Variants in ECD observed in about 807,000 individuals in gnomAD.
ECD encodes the protein ecdysoneless cell cycle regulator, also known as protein ecdysoneless homolog.
A neutral mutation model predicts 77.2 loss-of-function variants in ECD; 59 were observed. That is an observed-to-expected ratio of 0.76 (90% CI 0.62 to 0.95). The LOEUF (loss-of-function observed/expected upper bound fraction) is 0.95. ECD is among the 40% of genes least tolerant of loss of function. The probability of loss-of-function intolerance (pLI) is 0.00; values close to 1 mark genes in which losing one functional copy is unlikely to be tolerated. For synonymous variants in ECD, 233 were observed against 267.4 expected (o/e 0.87, Z 1.26); for missense variants, 704 against 763.4 (o/e 0.92, Z 0.92).
intron 2 of ECD, among the ~76,000 whole-genome samples, chr10:73,162,286 A>T (rs1843390171): frequency 6.6e-6 from 1 of 152,238 alleles, no homozygotes; most frequent in African/African-American, 2.4e-5. Context: ...AAATAGATGT[A>T]GAGAAGGGGT....
In ECD at chr10:73,159,642, A is replaced by ATTTTTTTTTTT. The variant is rs1169258127; in HGVS notation, c.323+781_323+791dup. ...AGTTGAACTCTTTGACAGTACTTTA[A>ATTTTTTTTTTT]TTTTTTTTTTTTTTTTTTTTGAGAC... is the stretch of plus-strand genomic sequence containing the variant. On this transcript the variant is annotated intron_variant, in intron 3 of 13. Coordinates refer to ENST00000372979, the MANE Select transcript of ECD (RefSeq NM_007265.3). Among the ~76,000 whole-genome samples, 25 of 123,616 alleles carry ATTTTTTTTTTT rather than the reference A, an allele frequency of 2.0e-4. 2 individuals carry two copies. Among genetic ancestry groups the ATTTTTTTTTTT allele is most frequent in the African/African-American group, 7.5e-4 (23 of 30,600 alleles). The allele number at this position is 123,616 out of a possible 152,430, so 81.1% of individuals were successfully genotyped here.
At chr10:73,135,757 AAAT>A (rs1842968425) in intron 13 of ECD, among the ~76,000 whole-genome samples, 2 of 151,444 alleles carry the variant, frequency 1.3e-5, no homozygotes, top group Admixed American at 6.6e-5. Flanking sequence ...AAATAAAACA[AAAT>A]AATAATAAAA....
In ECD at chr10:73,152,345, A is replaced by T. The variant is rs760533724; in HGVS notation, c.860T>A (p.Leu287Gln). Residue 287 changes from leucine to glutamine, a missense_variant, in exon 7 of 14, where the codon CTG (leucine) becomes CAG (glutamine). Leu to Gln is a moderately radical substitution (Grantham distance 113). Transcript: ENST00000372979. ...FVPDRRSGYR[L>Q]PPPSDPQYRA... ...GTACTGGGGATCAGATGGAGGAGGC[A>T]GCCTGTATCCACTCCGCCGGTCTGG... The T allele has an allele frequency of 4.3e-6, 7 of 1,613,884 alleles. No individual in the cohort carries two copies. Among genetic ancestry groups the T allele is most frequent in the Non-Finnish European group, 5.9e-6 (7 of 1,179,908 alleles).
chr10:73,148,188 C>T (rs1014994892), intron 8 of ECD, 88 bp downstream of exon 8: 1 of 1,470,884 alleles, frequency 6.8e-7, no homozygotes, highest in Admixed American at 2.2e-5. Context: ...TTATGTCATA[C>T]ATTTAAATAT....
At chr10:73,149,654 T>C (rs985050639) in intron 7 of ECD, among the ~76,000 whole-genome samples, 5 of 152,218 alleles carry the variant, frequency 3.3e-5, no homozygotes, top group Admixed American at 3.3e-4. Flanking sequence ...GGCTAAGCTA[T>C]GATGTTTGGT....
chr10:73,146,200 A>T, intron 9 of ECD, 76 bp downstream of exon 9: 3 of 699,112 alleles, frequency 4.3e-6, no homozygotes, highest in Non-Finnish European at 6.1e-6. Context: ...AAATAAGAAT[A>T]ATAAATAATA....
At chr10:73,158,128 T>C (rs1010734976) in intron 3 of ECD, among the ~76,000 whole-genome samples, 1 of 151,784 alleles carries the variant, frequency 6.6e-6, no homozygotes, top group Non-Finnish European at 1.5e-5. Flanking sequence ...ACATGGCTAA[T>C]TTTTGTATTT....
intron 3 of ECD, 66 bp downstream of exon 3, chr10:73,160,368 A>C (rs1307330298): frequency 5.5e-6 from 6 of 1,081,228 alleles, no homozygotes; most frequent in Non-Finnish European, 7.9e-6. Context: ...TACTAAATAG[A>C]TAAAAATGTA....
In ECD at chr10:73,134,606, T is replaced by C. The variant is rs571686264; in HGVS notation, c.1912A>G (p.Thr638Ala). 3 of 1,614,056 alleles carry C rather than the reference T, an allele frequency of 1.9e-6. No homozygotes were observed. Among genetic ancestry groups the C allele is most frequent in the Admixed American group, 3.3e-5 (2 of 60,020 alleles). The stretch of plus-strand genomic sequence containing the variant: ...GGTTAATTTTTTGTTGGCTTACTTG[T>C]TGGTCTGTGATCGGTGTTGTCAGGC... ...QLPDNTDHRP[T>A]SKPTKN The change falls in exon 14 of 14, where the codon ACA becomes GCA. Residue 638 changes from threonine (T) to alanine (A), a missense_variant. Thr to Ala is a moderately conservative substitution (Grantham distance 58, BLOSUM62 0). Transcript: ENST00000372979.
intron 3 of ECD, 45 bp from the exon 4 acceptor site, chr10:73,156,700 C>A: frequency 6.6e-7 from 1 of 1,512,510 alleles, no homozygotes; most frequent in South Asian, 1.1e-5. Context: ...AAGCATATAT[C>A]TGCTAGTAAC....
At chr10:73,154,173 G>A in intron 6 of ECD, 83 bp downstream of exon 6, 2 of 1,369,386 alleles carry the variant, frequency 1.5e-6, no homozygotes, top group Admixed American at 5.4e-5. Flanking sequence ...ACTGAGCACT[G>A]AGAAATGTAA....
intron 13 of ECD, 137 bp downstream of exon 13, chr10:73,136,567 C>T: frequency 1.3e-6 from 1 of 768,220 alleles, no homozygotes; most frequent in Non-Finnish European, 2.0e-6. Context: ...TTTATCCTAC[C>T]AGAGTTAGGA....
intron 11 of ECD, among the ~76,000 whole-genome samples, chr10:73,138,871 T>TA (rs1843012264): frequency 6.6e-6 from 1 of 152,118 alleles, no homozygotes; most frequent in Non-Finnish European, 1.5e-5. Flanking sequence ...AGCCTACAAG[T>TA]AATAATTCTA....
intron 9 of ECD, 103 bp downstream of exon 9, chr10:73,146,173 G>A (rs1259184739): frequency 2.5e-5 from 13 of 516,282 alleles, no homozygotes; most frequent in South Asian, 7.1e-5. Flanking sequence ...GTGAGACTCC[G>A]TCTCAAAAAA....
At chr10:73,149,802 T>C (rs1252028749) in intron 7 of ECD, among the ~76,000 whole-genome samples, 3 of 152,200 alleles carry the variant, frequency 2.0e-5, no homozygotes, top group Non-Finnish European at 2.9e-5. Flanking sequence ...TCAATTTATA[T>C]TCCTATCAAC....
Position 73,148,265 on chromosome 10 carries a change from G to A in ECD, c.1041+11C>T, listed in dbSNP as rs772796780. The A allele has an allele frequency of 6.2e-7, 1 of 1,612,470 alleles. No homozygotes were observed. Among genetic ancestry groups the A allele is most frequent in the Non-Finnish European group, 8.5e-7 (1 of 1,179,160 alleles). On this transcript the variant is annotated intron_variant, in intron 8 of 13. Transcript: ENST00000372979. ...TTGAATACTTAAAAGCAAATATATT[G>A]CAAGTCCTACCTTAAAGTAATCATT...
intron 1 of ECD, among the ~76,000 whole-genome samples, chr10:73,165,349 T>TTTTTG (rs971629879): frequency 3.3e-5 from 5 of 151,962 alleles, no homozygotes; most frequent in Non-Finnish European, 7.4e-5. Flanking sequence ...TTTTCTTTTC[T>TTTTTG]TTTTCTTTTC....
chr10:73,139,452 C>T lies in ECD; in HGVS notation c.1278G>A (p.Leu426=), dbSNP rs765534407. The stretch of plus-strand genomic sequence containing the variant: ...CTTTTTTGCCAACAGCTTCCTGCAG[C>T]AGCTGGTCCAGCTGATCTGGTGAGA... The part of the protein sequence containing the change: ...LDLSPDQLDQ[L]LQEAVGKKES... Residue 426 remains leucine (L), a synonymous_variant, in exon 11 of 14, where the codon CTG becomes CTA. Coordinates refer to ENST00000372979, the MANE Select transcript of ECD (RefSeq NM_007265.3). 19 of 1,614,124 alleles carry T rather than the reference C, an allele frequency of 1.2e-5. No individual in the cohort carries two copies. Among genetic ancestry groups the T allele is most frequent in the Admixed American group, 5.0e-5 (3 of 60,026 alleles).
Position 73,140,739 on chromosome 10 carries a change from GCCTT to G in ECD, c.1128-1006_1128-1003del, listed in dbSNP as rs553592146. Among the ~76,000 whole-genome samples the G allele has an allele frequency of 3.3e-3, 497 of 151,632 alleles. 3 individuals are homozygous for G. The highest frequency in any genetic ancestry group is 0.011 in the African/African-American group (463 of 41,432). On this transcript the variant is annotated intron_variant, in intron 9 of 13. Transcript: ENST00000372979. ...AGAAGCTCAGAGATCTACACAATTG[GCCTT>G]CCTTTTTGGCTCTGAAGCAGGCTCC...
Sources: gnomAD v4.1 joint callset for allele counts (sites outside exome capture counted in the v4.1 genomes callset) on GRCh38, gnomAD v4.1.1 for gene constraint, MANE v1.5 for transcripts, NCBI Gene and HGNC (gene_info 2026-07-23, HGNC 2026-07-21) for gene names.